Variants in ZNF618 observed in about 807,000 individuals in gnomAD.
ZNF618 encodes the protein zinc finger protein 618, also known as neural precursor cell expressed, developmentally down-regulated 10.
A neutral mutation model predicts 103.0 loss-of-function variants in ZNF618; 34 were observed. The observed-to-expected ratio is 0.33, with a 90% CI of 0.25 to 0.44. The LOEUF is 0.44. ZNF618 is among the 20% of genes least tolerant of loss of function. The probability of loss-of-function intolerance (pLI) is 1.00; values close to 1 mark genes in which losing one functional copy is unlikely to be tolerated. For synonymous variants in ZNF618, 551 were observed against 542.2 expected, an observed-to-expected ratio of 1.02 and a Z score of -0.23; for missense variants, 1,059 against 1,295.4, an observed-to-expected ratio of 0.82 and a Z score of 2.80.
intron 9 of ZNF618, among the ~76,000 whole-genome samples, chr9:114,013,583 A>G (rs1280968678): frequency 6.6e-6 from 1 of 152,138 alleles, no homozygotes; most frequent in African/African-American, 2.4e-5. Flanking sequence ...GGCGCCCGCC[A>G]CCACGCCTGG....
At chr9:113,895,912 C>T (rs759068855) in intron 1 of ZNF618, among the ~76,000 whole-genome samples, 37 of 152,016 alleles carry the variant, frequency 2.4e-4, no homozygotes, top group Non-Finnish European at 3.7e-4. Flanking sequence ...TTTTCATGCC[C>T]GTTTTGACCA....
chr9:113,898,944 G>T (rs1830277098), intron 1 of ZNF618, among the ~76,000 whole-genome samples: 1 of 152,034 alleles, frequency 6.6e-6, no homozygotes, highest in Non-Finnish European at 1.5e-5. Context: ...GCTTCTCTTG[G>T]CATTCCCTGT....
intron 12 of ZNF618, among the ~76,000 whole-genome samples, chr9:114,034,040 C>T (rs562248861): frequency 2.0e-5 from 3 of 152,348 alleles, no homozygotes; most frequent in African/African-American, 7.2e-5. Context: ...TGAATTCCTC[C>T]TCTGCTGTAA....
chr9:113,882,594 T>A (rs1828632386), intron 1 of ZNF618, among the ~76,000 whole-genome samples: 1 of 152,216 alleles, frequency 6.6e-6, no homozygotes, highest in South Asian at 2.1e-4. Flanking sequence ...TGTACACTCT[T>A]GGCTGTTGCT....
intron 1 of ZNF618, among the ~76,000 whole-genome samples, chr9:113,940,701 AATAAT>A (rs1458461607): frequency 6.6e-6 from 1 of 152,118 alleles, no homozygotes; most frequent in Non-Finnish European, 1.5e-5. Context: ...TTTGTTTTAA[AATAAT>A]GTAAGACTCA....
intron 13 of ZNF618, among the ~76,000 whole-genome samples, chr9:114,039,340 G>T (rs111782650): frequency 0.015 from 1,592 of 104,666 alleles, 22 homozygotes; most frequent in East Asian, 0.068. Context: ...TTTCTTGTTT[G>T]TTTTTTTTTT....
At chr9:113,916,574 T>G (rs1368825966) in intron 1 of ZNF618, among the ~76,000 whole-genome samples, 1 of 152,204 alleles carries the variant, frequency 6.6e-6, no homozygotes, top group African/African-American at 2.4e-5. Context: ...AGAGACATGA[T>G]TGATCAATGA....
At chr9:113,923,845 T>C (rs971058252) in intron 1 of ZNF618, among the ~76,000 whole-genome samples, 2 of 152,044 alleles carry the variant, frequency 1.3e-5, no homozygotes, top group Admixed American at 1.3e-4. Context: ...CTTTTCAGAT[T>C]TTGGAATATT....
intron 1 of ZNF618, among the ~76,000 whole-genome samples, chr9:113,902,911 C>T (rs1830683253): frequency 6.6e-6 from 1 of 152,184 alleles, no homozygotes; most frequent in South Asian, 2.1e-4. Context: ...AACTGTCCCC[C>T]CTCACCCCAA....
intron 1 of ZNF618, among the ~76,000 whole-genome samples, chr9:113,941,499 C>T (rs1834540804): frequency 6.6e-6 from 1 of 152,098 alleles, no homozygotes; most frequent in Admixed American, 6.5e-5. Context: ...GCCCAGGTGA[C>T]CTGAATGTCT....
chr9:113,940,635 C>T (rs1834463417), intron 1 of ZNF618, among the ~76,000 whole-genome samples: 1 of 151,852 alleles, frequency 6.6e-6, no homozygotes, highest in African/African-American at 2.4e-5. Context: ...ACCACGTCTG[C>T]TTTTTATTGA....
intron 1 of ZNF618, among the ~76,000 whole-genome samples, chr9:113,934,615 T>C (rs1833880870): frequency 6.6e-6 from 1 of 152,140 alleles, no homozygotes; most frequent in African/African-American, 2.4e-5. Context: ...CAAAATGGGA[T>C]TGTTGGAGTG....
chr9:113,977,090 A>C (rs544171844), intron 2 of ZNF618, among the ~76,000 whole-genome samples: 34 of 152,278 alleles, frequency 2.2e-4, no homozygotes, highest in South Asian at 8.3e-4. Flanking sequence ...GTGTTGGGGC[A>C]AGAGCTGGTT....
At chr9:114,028,704 C>T (rs1388289623) in intron 10 of ZNF618, 29 bp from the exon 11 acceptor site, 3 of 1,540,022 alleles carry the variant, frequency 1.9e-6, no homozygotes, top group Non-Finnish European at 1.8e-6. Context: ...TGGGAGGGCC[C>T]TCGGGGACTG....
intron 1 of ZNF618, among the ~76,000 whole-genome samples, chr9:113,945,075 C>T (rs1834892324): frequency 1.3e-5 from 2 of 152,148 alleles, no homozygotes; most frequent in African/African-American, 4.8e-5. Context: ...AGCCCAGTTC[C>T]CTTTCCAGCC....
chr9:113,897,874 A>G (rs1422873886), intron 1 of ZNF618, among the ~76,000 whole-genome samples: 5 of 151,594 alleles, frequency 3.3e-5, no homozygotes, highest in South Asian at 2.1e-4. Flanking sequence ...GCTCACTGCA[A>G]CCTCTGCCTC....
At chr9:113,998,436 C>A (rs1427908629) in intron 4 of ZNF618, 82 bp downstream of exon 4, 9 of 1,279,150 alleles carry the variant, frequency 7.0e-6, no homozygotes, top group South Asian at 1.3e-5. Context: ...CAGTTACAGA[C>A]CTGAGTAAGC....
In ZNF618 at chr9:114,052,513, CTT is replaced by C. The variant is rs1199260445; in HGVS notation, c.*2348_*2349del. The C allele has an allele frequency of 6.6e-6, 1 of 152,336 alleles. No homozygotes were observed. The highest frequency in any genetic ancestry group is 1.5e-5 in the Non-Finnish European group (1 of 68,062). The allele number at this position is 152,336 out of a possible 1,614,324, so 9.4% of individuals were successfully genotyped here. On this transcript the variant is annotated 3_prime_UTR_variant, in exon 15 of 15. Coordinates refer to ENST00000374126, the MANE Select transcript of ZNF618 (RefSeq NM_001318042.2). ...GAATATGGGAAGAAACATCAGCAGA[CTT>C]TATGATGTCAGTTGGGCCTTTGGAG...
intron 1 of ZNF618, among the ~76,000 whole-genome samples, chr9:113,892,376 G>T (rs1829690981): frequency 6.6e-6 from 1 of 152,172 alleles, no homozygotes; most frequent in Admixed American, 6.5e-5. Context: ...CAAGGAAAAA[G>T]TCTGTACATG....
Sources: gnomAD v4.1 joint callset for allele counts (sites outside exome capture counted in the v4.1 genomes callset) on GRCh38, gnomAD v4.1.1 for gene constraint, MANE v1.5 for transcripts, NCBI Gene and HGNC (gene_info 2026-07-23, HGNC 2026-07-21) for gene names.